Variants in MEGF11 observed in about 807,000 individuals in gnomAD.
The protein encoded by MEGF11 is multiple epidermal growth factor-like domains protein 11.
In MEGF11, 126 loss-of-function variants were observed where a neutral mutation model predicts 146.6. The ratio of observed to expected loss-of-function variants is 0.86; its 90% confidence interval spans 0.74 to 1.00. The LOEUF (loss-of-function observed/expected upper bound fraction) is 1.00, where lower values mean the gene tolerates loss of function less well. Ranked by LOEUF, MEGF11 falls within the 50% of genes least tolerant of loss-of-function variation. MEGF11 has a pLI of 0.00. For synonymous variants in MEGF11, 532 were observed against 583.4 expected, an observed-to-expected ratio of 0.91 and a Z score of 1.27; for missense variants, 1,509 against 1,521.2, an observed-to-expected ratio of 0.99 and a Z score of 0.13.
At chr15:66,085,108 C>T (rs796821904) in intron 5 of MEGF11, among the ~76,000 whole-genome samples, 21 of 152,240 alleles carry the variant, frequency 1.4e-4, no homozygotes, top group African/African-American at 5.1e-4. Flanking sequence ...CCATAATCCT[C>T]CTAGGTACAC....
chr15:66,151,891 C>T (rs943111334), intron 1 of MEGF11, among the ~76,000 whole-genome samples: 1 of 152,252 alleles, frequency 6.6e-6, no homozygotes, highest in Non-Finnish European at 1.5e-5. Flanking sequence ...CCCAGATGCT[C>T]TTCATCAGTG....
chr15:66,141,277 T>TGA lies in MEGF11; in HGVS notation c.-8-12867_-8-12866insTC, dbSNP rs1476305772. ...GTGTGTGTGTGTGTGTGTGTGTGTG[T>TGA]GTGTGTGTGTGTGAGAGAGAGAGAG... On this transcript the variant is annotated intron_variant, in intron 1 of 25. Transcript: ENST00000395614. 3.2e-4 allele frequency among the ~76,000 whole-genome samples: 40 copies of TGA among 126,784 alleles called. 1 individual carries two copies. The highest frequency in any genetic ancestry group is 1.1e-3 in the African/African-American group (37 of 34,234). The allele number at this position is 126,784 out of a possible 152,430, so 83.2% of individuals were successfully genotyped here. A position where few individuals can be genotyped will look rare whatever the true frequency, so the allele number is the denominator to read the frequency against.
At chr15:66,120,025 T>C (rs1157365192) in intron 3 of MEGF11, among the ~76,000 whole-genome samples, 1 of 152,178 alleles carries the variant, frequency 6.6e-6, no homozygotes, top group Non-Finnish European at 1.5e-5. Flanking sequence ...TCCCCACCCT[T>C]TGTTTTATGA....
At chr15:65,975,300 G>T (rs568093402) in intron 7 of MEGF11, among the ~76,000 whole-genome samples, 38 of 152,280 alleles carry the variant, frequency 2.5e-4, no homozygotes, top group African/African-American at 8.9e-4. Flanking sequence ...ATCTGGCCAG[G>T]TTCCTGTCCT....
intron 7 of MEGF11, among the ~76,000 whole-genome samples, chr15:65,971,642 G>A (rs1458093829): frequency 1.3e-5 from 2 of 152,142 alleles, no homozygotes; most frequent in Non-Finnish European, 2.9e-5. Flanking sequence ...GGGACACTGA[G>A]GAGCTCAAGA....
At chr15:65,984,187 A>G (rs1215713397) in intron 5 of MEGF11, among the ~76,000 whole-genome samples, 1 of 152,168 alleles carries the variant, frequency 6.6e-6, no homozygotes, top group African/African-American at 2.4e-5. Context: ...TGAGTAAAGC[A>G]AAAATTAAAT....
At chr15:66,223,309 T>A (rs2091778618) in intron 1 of MEGF11, among the ~76,000 whole-genome samples, 1 of 151,026 alleles carries the variant, frequency 6.6e-6, no homozygotes, top group African/African-American at 2.4e-5. Flanking sequence ...GAGACAAAAG[T>A]AGATAAGTGC....
intron 5 of MEGF11, among the ~76,000 whole-genome samples, chr15:66,004,410 C>T (rs2082459125): frequency 9.1e-6 from 1 of 109,348 alleles, no homozygotes; most frequent in Non-Finnish European, 2.1e-5. Flanking sequence ...GGGGGGGCTT[C>T]AAGTATTTTT....
At chr15:66,001,463 G>T (rs984001052) in intron 5 of MEGF11, among the ~76,000 whole-genome samples, 2 of 152,086 alleles carry the variant, frequency 1.3e-5, no homozygotes, top group African/African-American at 4.8e-5. Context: ...GCCAAGCATC[G>T]GGTTCCCTGG....
intron 5 of MEGF11, among the ~76,000 whole-genome samples, chr15:66,028,594 T>A (rs956355441): frequency 1.1e-4 from 16 of 152,206 alleles, no homozygotes; most frequent in Admixed American, 2.6e-4. Flanking sequence ...TTTATATGCA[T>A]GAAGATATTC....
chr15:65,954,186 G>C (rs764397641), intron 10 of MEGF11, among the ~76,000 whole-genome samples: 28 of 152,294 alleles, frequency 1.8e-4, no homozygotes, highest in Non-Finnish European at 2.8e-4. Context: ...CCTTTAATTA[G>C]TCCTTAACTG....
At chr15:65,997,030 C>G (rs1218842763) in intron 5 of MEGF11, among the ~76,000 whole-genome samples, 1 of 152,202 alleles carries the variant, frequency 6.6e-6, no homozygotes, top group East Asian at 1.9e-4. Context: ...TGGGGACTTC[C>G]TCAACTCTGT....
chr15:66,226,135 G>A (rs558025623), intron 1 of MEGF11, among the ~76,000 whole-genome samples: 9 of 152,294 alleles, frequency 5.9e-5, no homozygotes, highest in South Asian at 2.1e-4. Context: ...TCATGCCTTC[G>A]TCCAGTGTAG....
intron 1 of MEGF11, among the ~76,000 whole-genome samples, chr15:66,220,408 T>C (rs1328609736): frequency 6.6e-6 from 1 of 152,114 alleles, no homozygotes; most frequent in African/African-American, 2.4e-5. Flanking sequence ...ATGATCCCAT[T>C]TATATGACAT....
chr15:66,057,933 G>T (rs1174817054), intron 5 of MEGF11, among the ~76,000 whole-genome samples: 3 of 152,146 alleles, frequency 2.0e-5, no homozygotes, highest in Non-Finnish European at 4.4e-5. Context: ...CCATAAAGAT[G>T]AAATCAAGCA....
chr15:65,942,974 C>CTTTTTT lies in MEGF11; in HGVS notation c.1288-12037_1288-12032dup, dbSNP rs58874869. ...AAACAAAAACAAAAAAACAACTTGG[C>CTTTTTT]TTTTTTTTTTTTTTTTTTTTTTTTT... On this transcript the variant is annotated intron_variant, in intron 10 of 25. Coordinates refer to ENST00000395614, the MANE Select transcript of MEGF11 (RefSeq NM_001385028.1). 3.5e-3 allele frequency among the ~76,000 whole-genome samples: 165 copies of CTTTTTT among 47,606 alleles called. 10 individuals carry two copies. Among genetic ancestry groups the CTTTTTT allele is most frequent in the Middle Eastern group, 8.8e-3 (1 of 114 alleles). 31.2% of individuals were successfully genotyped at this position (47,606 alleles called of 152,430 possible). A position where few individuals can be genotyped will look rare whatever the true frequency, so the allele number is the denominator to read the frequency against.
chr15:65,912,179 T>C lies in MEGF11; in HGVS notation c.2732A>G (p.His911Arg). 1 of 1,232,510 alleles carries C rather than the reference T, an allele frequency of 8.1e-7. No individual in the cohort carries two copies. The highest frequency in any genetic ancestry group is 3.2e-5 in the East Asian group (1 of 31,728). The allele number at this position is 1,232,510 out of a possible 1,614,324, so 76.3% of individuals were successfully genotyped here. A position where few individuals can be genotyped will look rare whatever the true frequency, so the allele number is the denominator to read the frequency against. ...GCTGGAATTGGAAAAGCAGTGGGCA[T>C]GGCTGCTACTTTGAGACAAATCTGG... is the stretch of plus-strand genomic sequence containing the variant. ...SLSDLSQSSS[H>R]AHCFSNSSYH... Residue 911 changes from histidine to arginine, a missense_variant, in exon 21 of 26, where the codon CAT becomes CGT. Transcript: ENST00000395614.
intron 1 of MEGF11, among the ~76,000 whole-genome samples, chr15:66,169,237 A>T (rs956635947): frequency 2.0e-5 from 3 of 152,236 alleles, no homozygotes; most frequent in African/African-American, 7.2e-5. Context: ...CTGAAGGATT[A>T]AACGCCAGGC....
chr15:66,067,024 C>A (rs1216546886), intron 5 of MEGF11, among the ~76,000 whole-genome samples: 1 of 152,136 alleles, frequency 6.6e-6, no homozygotes, highest in African/African-American at 2.4e-5. Context: ...CTCTGGGCTT[C>A]GGTTTTCTCA....
Sources: gnomAD v4.1 joint callset for allele counts (sites outside exome capture counted in the v4.1 genomes callset) on GRCh38, gnomAD v4.1.1 for gene constraint, MANE v1.5 for transcripts, NCBI Gene and HGNC (gene_info 2026-07-23, HGNC 2026-07-21) for gene names.